Variants in CR1 observed in about 807,000 individuals in gnomAD.
CR1 encodes the protein complement C3b/C4b receptor 1 (Knops blood group).
In CR1, 116 loss-of-function variants were observed where a neutral mutation model predicts 187.3. The ratio of observed to expected loss-of-function variants is 0.62; its 90% CI spans 0.53 to 0.72. The LOEUF is 0.72. Among genes scored for constraint, CR1 ranks in the 30% least tolerant of loss-of-function variants. CR1 has a pLI of 0.00. For synonymous variants in CR1, 576 were observed against 747.1 expected, an observed-to-expected ratio of 0.77 and a Z score of 3.73; for missense variants, 1,731 against 2,110.7, an observed-to-expected ratio of 0.82 and a Z score of 3.52.
intron 31 of CR1, among the ~76,000 whole-genome samples, chr1:207,581,081 C>T (rs953726252): frequency 2.7e-5 from 4 of 148,114 alleles, no homozygotes; most frequent in Non-Finnish European, 5.9e-5. Flanking sequence ...GGCCGAAATA[C>T]AAAAGATCTT....
intron 1 of CR1, among the ~76,000 whole-genome samples, chr1:207,504,596 C>T (rs980569984): frequency 6.6e-6 from 1 of 151,766 alleles, no homozygotes; most frequent in Non-Finnish European, 1.5e-5. Flanking sequence ...GACCTTGTTA[C>T]AAGAAAGAAT....
chr1:207,502,830 C>T (rs1327505513), intron 1 of CR1, among the ~76,000 whole-genome samples: 2 of 152,202 alleles, frequency 1.3e-5, no homozygotes, highest in Non-Finnish European at 2.9e-5. Flanking sequence ...TAGGAATTCT[C>T]CTCTCTGTCC....
chr1:207,554,757 C>T (rs1470421939), intron 19 of CR1, among the ~76,000 whole-genome samples: 1 of 6,530 alleles, frequency 1.5e-4, no homozygotes, highest in Non-Finnish European at 2.1e-4. Context: ...TAAGAACATT[C>T]GTGATTCATG....
At chr1:207,501,210 C>T (rs1659256145) in intron 1 of CR1, among the ~76,000 whole-genome samples, 1 of 152,154 alleles carries the variant, frequency 6.6e-6, no homozygotes, top group South Asian at 2.1e-4. Flanking sequence ...AGAGAAAACA[C>T]ATTGAAGGTT....
chr1:207,621,874 C>T (rs1662323679), intron 43 of CR1, 99 bp from the exon 44 acceptor site: 1 of 939,458 alleles, frequency 1.1e-6, no homozygotes, highest in Non-Finnish European at 1.6e-6. Context: ...TAGACTGAGT[C>T]CTGAAGAAAA....
intron 4 of CR1, among the ~76,000 whole-genome samples, chr1:207,520,664 A>G (rs1016053601): frequency 2.6e-5 from 4 of 152,322 alleles, no homozygotes; most frequent in African/African-American, 9.6e-5. Flanking sequence ...AAATGAAAAC[A>G]TACCCGCATA....
At chr1:207,566,784 A>G (rs548916771) in intron 24 of CR1, among the ~76,000 whole-genome samples, 1 of 150,420 alleles carries the variant, frequency 6.6e-6, no homozygotes, top group African/African-American at 2.5e-5. Context: ...CCAATGGAAG[A>G]TAGAACTTTG....
At chr1:207,617,315 T>A (rs1237308874) in intron 41 of CR1, among the ~76,000 whole-genome samples, 3 of 151,012 alleles carry the variant, frequency 2.0e-5, no homozygotes, top group Admixed American at 6.6e-5. Context: ...CCACTGACTA[T>A]GTTTGTTTGA....
At chr1:207,496,431 G>T in intron 1 of CR1, 43 bp downstream of exon 1, 1 of 1,560,488 alleles carries the variant, frequency 6.4e-7, no homozygotes, top group South Asian at 1.1e-5. Context: ...GGCGGACGAG[G>T]AACCCGGGGC....
chr1:207,638,412 G>A (rs754212721), intron 46 of CR1, among the ~76,000 whole-genome samples: 7 of 151,770 alleles, frequency 4.6e-5, no homozygotes, highest in Non-Finnish European at 7.4e-5. Flanking sequence ...CTGTGCCTAC[G>A]CTGACAAGCC....
intron 1 of CR1, among the ~76,000 whole-genome samples, chr1:207,504,246 T>C (rs1374269039): frequency 2.0e-5 from 3 of 152,220 alleles, no homozygotes; most frequent in Non-Finnish European, 2.9e-5. Flanking sequence ...AGCATTTATA[T>C]ACTGGGGAGT....
Position 207,567,988 on chromosome 1 carries a change from G to C in CR1, c.4117G>C (p.Asp1373His). ...IGESTIRCTS[D>H]PQGNGVWSSP... is the part of the protein sequence containing the mutation. ...AGAGAGCACCATCCGCTGCACAAGT[G>C]ACCCTCAAGGGAATGGGGTTTGGAG... Residue 1373 changes from aspartate to histidine, a missense_variant, in exon 25 of 47, where the codon GAC becomes CAC. Physicochemically the swap from Asp to His is moderately conservative, Grantham distance 81. Transcript: ENST00000367049. The C allele has an allele frequency of 8.1e-6, 13 of 1,610,482 alleles. No individual in the cohort carries two copies. The highest frequency in any genetic ancestry group is 1.1e-5 in the Non-Finnish European group (13 of 1,179,574).
intron 1 of CR1, among the ~76,000 whole-genome samples, chr1:207,502,142 G>C (rs1659290846): frequency 6.6e-6 from 1 of 152,004 alleles, no homozygotes; most frequent in South Asian, 2.1e-4. Flanking sequence ...TAAGCACCAG[G>C]ACTAAGTATT....
Position 207,526,080 on chromosome 1 carries a change from T to TG in CR1, c.887-673_887-672insG, listed in dbSNP as rs1660160595. 3.9e-5 allele frequency among the ~76,000 whole-genome samples: 6 copies of TG among 152,122 alleles called. 1 individual carries two copies. The highest frequency in any genetic ancestry group is 1.5e-4 in the African/African-American group (6 of 41,356). ...AGCGCTGCCCTTACAATATGTTGCG[T>TG]AAATATACACTCTCATCATGGTGAC... On this transcript the variant is annotated intron_variant, in intron 5 of 46. Coordinates refer to ENST00000367049, the MANE Select transcript of CR1 (RefSeq NM_000651.6).
At chr1:207,635,233 C>T (rs546059158) in intron 46 of CR1, among the ~76,000 whole-genome samples, 14 of 151,854 alleles carry the variant, frequency 9.2e-5, no homozygotes, top group East Asian at 1.9e-4. Context: ...CCCAGGGGAC[C>T]GGTGTTCAGC....
At chr1:207,524,035 G>T (rs1236498855) in intron 5 of CR1, 26 bp downstream of exon 5, 1 of 1,611,720 alleles carries the variant, frequency 6.2e-7, no homozygotes, top group African/African-American at 1.3e-5. Context: ...GCCTAGAAGG[G>T]CCCTGCCAGT....
Position 207,627,339 on chromosome 1 carries a change from C to G in CR1, c.7353-3178C>G, listed in dbSNP as rs570023865. ...GTCGGGGATTTTTGTCCTATCTTCA[C>G]CAATGGATACACAACAAATCTAAAC... On this transcript the variant is annotated intron_variant, in intron 45 of 46. Transcript: ENST00000367049. 4.6e-5 allele frequency among the ~76,000 whole-genome samples: 7 copies of G among 152,258 alleles called. No homozygotes were observed. In the South Asian group the frequency reaches 1.5e-3, roughly 32 times the overall value.
chr1:207,581,576 A>G (rs957679698), intron 31 of CR1, among the ~76,000 whole-genome samples: 5 of 152,142 alleles, frequency 3.3e-5, no homozygotes, highest in African/African-American at 9.7e-5. Context: ...ATAAAATAAC[A>G]TGCAAAGATT....
At chr1:207,602,951 TATAAGC>T (rs1444587499) in intron 35 of CR1, among the ~76,000 whole-genome samples, 3 of 152,170 alleles carry the variant, frequency 2.0e-5, no homozygotes, top group African/African-American at 7.2e-5. Context: ...ATATAGGACT[TATAAGC>T]AGAAGATTTA....
Sources: allele counts gnomAD v4.1 joint callset (sites outside exome capture counted in the v4.1 genomes callset), GRCh38; gene constraint gnomAD v4.1.1; transcripts MANE v1.5; gene names NCBI Gene and HGNC (gene_info 2026-07-23, HGNC 2026-07-21).